Variants in ABTB3 observed in about 807,000 individuals in gnomAD.
ABTB3 encodes the protein ankyrin repeat- and BTB/POZ domain-containing protein 3.
At chr12:107,651,546 C>A in the ABTB3 span, 10 of 541,124 alleles carry the variant, frequency 1.8e-5, no homozygotes, top group Non-Finnish European at 2.4e-5. Context: ...TGCATCATTT[C>A]CCGTCCCCTA....
the ABTB3 span, among the ~76,000 whole-genome samples, chr12:107,656,719 G>T: frequency 6.6e-6 from 1 of 152,242 alleles, no homozygotes; most frequent in African/African-American, 2.4e-5. Context: ...TGTGCCGAAT[G>T]ACACTAATAT....
chr12:107,387,483 CAA>C, the ABTB3 span, among the ~76,000 whole-genome samples: 5 of 152,150 alleles, frequency 3.3e-5, no homozygotes, highest in African/African-American at 1.2e-4. Context: ...GCAATCCAGG[CAA>C]AGTCTTTGCC....
the ABTB3 span, among the ~76,000 whole-genome samples, chr12:107,400,435 G>T: frequency 1.4e-4 from 21 of 152,162 alleles, no homozygotes; most frequent in African/African-American, 4.8e-4. Flanking sequence ...TATACAGGTG[G>T]GTTTGAGAAA....
At chr12:107,436,890 G>A in the ABTB3 span, among the ~76,000 whole-genome samples, 1 of 152,224 alleles carries the variant, frequency 6.6e-6, no homozygotes, top group African/African-American at 2.4e-5. Flanking sequence ...TATTTTGTGG[G>A]GGTCCTGGTC....
the ABTB3 span, among the ~76,000 whole-genome samples, chr12:107,575,341 A>G: frequency 6.6e-6 from 1 of 152,224 alleles, no homozygotes; most frequent in African/African-American, 2.4e-5. Context: ...AATGTTGGTG[A>G]TGATGATAAT....
the ABTB3 span, among the ~76,000 whole-genome samples, chr12:107,486,864 T>C: frequency 6.6e-6 from 1 of 152,160 alleles, no homozygotes; most frequent in Non-Finnish European, 1.5e-5. Flanking sequence ...TTTTTATCAT[T>C]ATCATTTTAC....
At chr12:107,354,159 G>T in the ABTB3 span, among the ~76,000 whole-genome samples, 207 of 152,244 alleles carry the variant, frequency 1.4e-3, no homozygotes, top group African/African-American at 4.9e-3. Context: ...CTCTTTGAGA[G>T]CTAAACCCTC....
chr12:107,553,320 C>A, the ABTB3 span, among the ~76,000 whole-genome samples: 1 of 152,190 alleles, frequency 6.6e-6, no homozygotes, highest in East Asian at 1.9e-4. Flanking sequence ...CCTCCCAATA[C>A]TCCTTGAGGC....
the ABTB3 span, among the ~76,000 whole-genome samples, chr12:107,576,535 C>T: frequency 8.5e-5 from 13 of 152,182 alleles, no homozygotes; most frequent in Admixed American, 7.2e-4. Context: ...ATTAGGGCCA[C>T]TCTAATGGCC....
chr12:107,482,795 TTCTC>T, the ABTB3 span, among the ~76,000 whole-genome samples: 3 of 151,408 alleles, frequency 2.0e-5, no homozygotes, highest in African/African-American at 4.9e-5. Flanking sequence ...CCTTCCTTCC[TTCTC>T]TCTCTTTTTT....
chr12:107,332,355 G>A, the ABTB3 span, among the ~76,000 whole-genome samples: 1 of 152,184 alleles, frequency 6.6e-6, no homozygotes, highest in Non-Finnish European at 1.5e-5. Context: ...ACCATTTTAG[G>A]TAATGGAGAG....
the ABTB3 span, among the ~76,000 whole-genome samples, chr12:107,409,266 C>T: frequency 2.1e-4 from 32 of 152,338 alleles, 1 homozygote; most frequent in Admixed American, 1.8e-3. Flanking sequence ...ATGTAGTTTG[C>T]AGGCTCCAGT....
At chr12:107,617,348 C>G in the ABTB3 span, 16 of 1,614,052 alleles carry the variant, frequency 9.9e-6, no homozygotes, top group Non-Finnish European at 1.2e-5. Context: ...TGCCGATCCC[C>G]TGATAGGAAC....
chr12:107,378,994 G>C, the ABTB3 span, among the ~76,000 whole-genome samples: 1 of 152,236 alleles, frequency 6.6e-6, no homozygotes, highest in South Asian at 2.1e-4. Context: ...GCAGCAGGCA[G>C]TGTGGTGTAG....
the ABTB3 span, among the ~76,000 whole-genome samples, chr12:107,495,437 C>A: frequency 6.6e-6 from 1 of 152,220 alleles, no homozygotes; most frequent in Non-Finnish European, 1.5e-5. Context: ...GGAGGGAGGC[C>A]TGCAGAGGGG....
chr12:107,451,932 T>A, the ABTB3 span, among the ~76,000 whole-genome samples: 1 of 152,252 alleles, frequency 6.6e-6, no homozygotes, highest in Non-Finnish European at 1.5e-5. Context: ...ACAGCCAAGC[T>A]GAGTGGGAAG....
chr12:107,393,544 T>A, the ABTB3 span, among the ~76,000 whole-genome samples: 1 of 152,244 alleles, frequency 6.6e-6, no homozygotes, highest in East Asian at 1.9e-4. Context: ...GGGGGTGATG[T>A]CACTCTATCT....
At chr12:107,639,614 A>G in the ABTB3 span, among the ~76,000 whole-genome samples, 1 of 152,208 alleles carries the variant, frequency 6.6e-6, no homozygotes, top group Non-Finnish European at 1.5e-5. Context: ...TGGCACCTTC[A>G]GGAGCCTCAG....
chr12:107,552,260 A>C, the ABTB3 span, among the ~76,000 whole-genome samples: 1 of 152,220 alleles, frequency 6.6e-6, no homozygotes, highest in African/African-American at 2.4e-5. Flanking sequence ...GTGGTTTTAA[A>C]GAAATAAAGT....
Sources: allele counts gnomAD v4.1 joint callset (sites outside exome capture counted in the v4.1 genomes callset), GRCh38; gene constraint gnomAD v4.1.1; transcripts MANE v1.5; gene names NCBI Gene and HGNC (gene_info 2026-07-23, HGNC 2026-07-21).